Variants in CHSY3 observed in about 807,000 individuals in gnomAD.
CHSY3 encodes chondroitin sulfate synthase 3, also known as N-acetylgalactosaminyl-proteoglycan 3-beta-glucuronosyltransferase 3.
Under a neutral mutation model 67.2 loss-of-function variants are expected in CHSY3, and 35 were observed. The observed-to-expected ratio is 0.52, with a 90% CI of 0.40 to 0.69. The LOEUF is 0.69. CHSY3 is among the 30% of genes least tolerant of loss of function. The probability of loss-of-function intolerance (pLI) is 0.00; values close to 1 mark genes in which losing one functional copy is unlikely to be tolerated. For synonymous variants in CHSY3, 474 were observed against 434.7 expected (o/e 1.09, Z -1.12); for missense variants, 1,069 against 1,138.5 (o/e 0.94, Z 0.88).
chr5:130,089,407 A>C (rs968063504), intron 2 of CHSY3, among the ~76,000 whole-genome samples: 2 of 151,996 alleles, frequency 1.3e-5, no homozygotes, highest in African/African-American at 4.8e-5. Flanking sequence ...AAAAAAATTT[A>C]AAAAGTAAAG....
chr5:130,112,355 C>T (rs994213577), intron 2 of CHSY3, among the ~76,000 whole-genome samples: 3 of 152,086 alleles, frequency 2.0e-5, no homozygotes, highest in African/African-American at 7.2e-5. Flanking sequence ...AACAAGTTCT[C>T]AGCTGGGAAC....
chr5:129,919,553 A>C (rs1364688071), intron 2 of CHSY3, among the ~76,000 whole-genome samples: 2 of 152,202 alleles, frequency 1.3e-5, no homozygotes, highest in African/African-American at 4.8e-5. Context: ...AGCAGGCAAG[A>C]GAGAGAATGA....
chr5:129,904,818 G>A lies in CHSY3; in HGVS notation c.-12G>A, dbSNP rs983420437. The A allele has an allele frequency of 5.1e-6, 7 of 1,380,048 alleles. No individual in the cohort carries two copies. In the Admixed American group the frequency reaches 8.9e-5, roughly 18 times the overall value. The allele number at this position is 1,380,048 out of a possible 1,614,324, so 85.5% of individuals were successfully genotyped here. A position where few individuals can be genotyped will look rare whatever the true frequency, so the allele number is the denominator to read the frequency against. On this transcript the variant is annotated 5_prime_UTR_variant, in exon 1 of 3. Coordinates refer to ENST00000305031, the MANE Select transcript of CHSY3 (RefSeq NM_175856.5). Reference sequence around the variant, plus strand: ...GACAGCCCAGCGAGCGTCCGCGCCCGGGACAGCCGCGATGGCTGTGCGCTC... The same window carrying A: ...GACAGCCCAGCGAGCGTCCGCGCCCAGGACAGCCGCGATGGCTGTGCGCTC...
chr5:130,076,961 G>A (rs148660390), intron 2 of CHSY3, among the ~76,000 whole-genome samples: 9 of 140,966 alleles, frequency 6.4e-5, no homozygotes, highest in South Asian at 2.5e-4. Context: ...ATGCGGGGAG[G>A]GGGGAGGGAT....
chr5:130,142,564 T>G (rs550640364), intron 2 of CHSY3, among the ~76,000 whole-genome samples: 1 of 152,352 alleles, frequency 6.6e-6, no homozygotes, highest in African/African-American at 2.4e-5. Flanking sequence ...TTAAAGGGTT[T>G]TCATTTTTAT....
chr5:129,993,395 G>T (rs1763428984), intron 2 of CHSY3, among the ~76,000 whole-genome samples: 1 of 152,066 alleles, frequency 6.6e-6, no homozygotes, highest in South Asian at 2.1e-4. Context: ...GGGTACTCCT[G>T]TATTGGGTGC....
chr5:130,103,858 C>T (rs531863467), intron 2 of CHSY3, among the ~76,000 whole-genome samples: 1 of 151,850 alleles, frequency 6.6e-6, no homozygotes, highest in Non-Finnish European at 1.5e-5. Flanking sequence ...TTTACACATG[C>T]CTTGATACAC....
At chr5:130,100,584 G>C (rs62393172) in intron 2 of CHSY3, among the ~76,000 whole-genome samples, 8,307 of 152,116 alleles carry the variant, frequency 0.055, 325 homozygotes, top group Non-Finnish European at 0.078. Flanking sequence ...AAATGACAAA[G>C]TCAAATTTAG....
intron 2 of CHSY3, among the ~76,000 whole-genome samples, chr5:130,079,462 G>T (rs576248402): frequency 2.0e-5 from 3 of 152,166 alleles, no homozygotes; most frequent in African/African-American, 7.2e-5. Flanking sequence ...ATAGAATCTT[G>T]TTAGGTTTAA....
intron 2 of CHSY3, among the ~76,000 whole-genome samples, chr5:130,020,329 AG>A (rs1170302462): frequency 6.6e-6 from 1 of 151,178 alleles, no homozygotes; most frequent in South Asian, 2.1e-4. Context: ...CTGAGGCAGG[AG>A]AATTGCTGGA....
At chr5:129,925,601 T>C (rs767464433) in intron 2 of CHSY3, among the ~76,000 whole-genome samples, 8 of 152,100 alleles carry the variant, frequency 5.3e-5, no homozygotes, top group Non-Finnish European at 1.2e-4. Context: ...ACTATTTTAG[T>C]TGTTTTCAAG....
intron 2 of CHSY3, among the ~76,000 whole-genome samples, chr5:129,975,355 T>G (rs141186270): frequency 6.6e-6 from 1 of 152,336 alleles, no homozygotes; most frequent in Admixed American, 6.5e-5. Context: ...GATTACTTTA[T>G]AATTTATGAC....
intron 2 of CHSY3, among the ~76,000 whole-genome samples, chr5:130,151,970 G>A (rs1769244616): frequency 1.3e-5 from 2 of 152,180 alleles, no homozygotes; most frequent in South Asian, 4.1e-4. Context: ...CATCTGAGAA[G>A]TTTTTAATTT....
chr5:129,994,121 C>T (rs1256155719), intron 2 of CHSY3, among the ~76,000 whole-genome samples: 1 of 152,140 alleles, frequency 6.6e-6, no homozygotes, highest in African/African-American at 2.4e-5. Context: ...GTAACCCGAC[C>T]TTTCTCTCTG....
rs1762642994 is a variant in CHSY3 at position 129,971,627 on chromosome 5, A to G, written c.1086+63267A>G. 2.0e-5 allele frequency among the ~76,000 whole-genome samples: 3 copies of G among 151,964 alleles called. No individual in the cohort carries two copies. In the South Asian group the frequency reaches 6.2e-4, roughly 31 times the overall value. On this transcript the variant is annotated intron_variant, in intron 2 of 2. Transcript: ENST00000305031. ...TTAGGAAAATTACTTGTCTAATGCT[A>G]TATTGTTAAAAAGTTTCAGGGTCAA...
chr5:130,163,990 G>A lies in CHSY3; in HGVS notation c.1087-20239G>A, dbSNP rs144655502. On this transcript the variant is annotated intron_variant, in intron 2 of 2. Coordinates refer to ENST00000305031, the MANE Select transcript of CHSY3 (RefSeq NM_175856.5). ...AGGTGAAAACTCAGGTGATAACAGCGATTTTTCCCATTTGACAGAATTTTC... is the reference window on the plus strand; with the variant it reads ...AGGTGAAAACTCAGGTGATAACAGCAATTTTTCCCATTTGACAGAATTTTC... Among the ~76,000 whole-genome samples, 622 of 152,228 alleles carry A rather than the reference G, an allele frequency of 4.1e-3. 8 individuals carry two copies. Among genetic ancestry groups the A allele is most frequent in the South Asian group, 0.035 (171 of 4,820 alleles).
chr5:130,145,085 G>A (rs1439357968), intron 2 of CHSY3, among the ~76,000 whole-genome samples: 1 of 152,114 alleles, frequency 6.6e-6, no homozygotes, highest in Admixed American at 6.6e-5. Context: ...ACAGCACCAA[G>A]GGGCTGGTGC....
Position 129,905,631 on chromosome 5 carries a change from G to C in CHSY3, c.802G>C (p.Gly268Arg). Residue 268 changes from glycine to arginine, a missense_variant and splice_region_variant, in exon 1 of 3, where the codon GGT (glycine) becomes CGT (arginine). By Grantham distance (125) the Gly-to-Arg change is moderately radical (BLOSUM62 -2). Around this residue, in one of 5 missense-constraint regions of CHSY3, gnomAD observed 216 missense variants for 311.5 expected, o/e 0.69. Transcript: ENST00000305031. ...MRADDDVYIK[G>R]DKLEEFLRSL... Reference sequence around the variant, plus strand: ...CGCCGACGACGATGTCTACATCAAAGGTGACCTCCCTGCGCCGGCTTTCCA... The same window carrying C: ...CGCCGACGACGATGTCTACATCAAACGTGACCTCCCTGCGCCGGCTTTCCA... The C allele has an allele frequency of 6.2e-7, 1 of 1,612,260 alleles. No homozygotes were observed. Among genetic ancestry groups the C allele is most frequent in the African/African-American group, 1.3e-5 (1 of 75,006 alleles).
At chr5:130,025,571 T>G (rs1481111565) in intron 2 of CHSY3, among the ~76,000 whole-genome samples, 1 of 152,070 alleles carries the variant, frequency 6.6e-6, no homozygotes, top group Non-Finnish European at 1.5e-5. Context: ...AGGTGGCTTC[T>G]AAACAACCAA....
Sources: gnomAD v4.1 joint callset for allele counts (sites outside exome capture counted in the v4.1 genomes callset) on GRCh38, gnomAD v4.1.1 for gene constraint, gnomAD v4.1.1 regional missense constraint, MANE v1.5 for transcripts, NCBI Gene and HGNC (gene_info 2026-07-23, HGNC 2026-07-21) for gene names.